The following OAS1 variants were observed in gnomAD, a reference collection of about 807,000 sequenced individuals.
OAS1 encodes the protein 2'-5'-oligoadenylate synthase 1.
Under a neutral mutation model 38.5 loss-of-function variants are expected in OAS1, and 24 were observed. The observed-to-expected ratio is 0.62, with a 90% confidence interval of 0.45 to 0.88. The LOEUF (loss-of-function observed/expected upper bound fraction) is 0.88, where lower values mean the gene tolerates loss of function less well. OAS1 is among the 40% of genes least tolerant of loss of function. The pLI is 0.00. For synonymous variants in OAS1, 169 were observed against 193.9 expected, an observed-to-expected ratio of 0.87 and a Z score of 1.07; for missense variants, 482 against 493.9, an observed-to-expected ratio of 0.98 and a Z score of 0.23.
At chr12:112,925,684 G>T (rs1214176312) in intron 6 of OAS1, among the ~76,000 whole-genome samples, 8 of 152,162 alleles carry the variant, frequency 5.3e-5, no homozygotes, top group Non-Finnish European at 2.9e-5. Flanking sequence ...TACTCAGGAG[G>T]CTGAGGAGGA....
chr12:112,918,990 G>A (rs1468261397), intron 5 of OAS1: 11 of 270,216 alleles, frequency 4.1e-5, no homozygotes, highest in Non-Finnish European at 5.9e-5. Context: ...TAGGAAGGAA[G>A]CATGAAAGAG....
At chr12:112,923,357 T>A (rs543267219), downstream of OAS1, among the ~76,000 whole-genome samples, 2 of 152,336 alleles carry the variant, frequency 1.3e-5, no homozygotes, top group African/African-American at 4.8e-5. Flanking sequence ...TCCCTCCACA[T>A]CCTCACACTT....
At chr12:112,908,046 T>G (rs2043320302) in intron 1 of OAS1, among the ~76,000 whole-genome samples, 1 of 152,186 alleles carries the variant, frequency 6.6e-6, no homozygotes, top group Admixed American at 6.5e-5. Context: ...TGTGGATTTG[T>G]TTTAGGTAAG....
rs373282263 is a variant in OAS1 at position 112,917,567 on chromosome 12, C to A, written c.905C>A (p.Ala302Glu). The A allele has an allele frequency of 6.2e-7, 1 of 1,614,046 alleles. No individual in the cohort carries two copies. Among genetic ancestry groups the A allele is most frequent in the Non-Finnish European group, 8.5e-7 (1 of 1,180,036 alleles). ...TGCAGGCCTGTGATCCTGGACCCGG[C>A]GGACCCTACAGGAAACTTGGGTGGT... ...TKPRPVILDPADPTGNLGGGD... is the reference protein window; with the variant it reads ...TKPRPVILDPEDPTGNLGGGD... Residue 302 changes from alanine (A) to glutamate (E), a missense_variant, in exon 5 of 6, where the codon GCG (alanine) becomes GAG (glutamate). Transcript: ENST00000202917.
intron 3 of OAS1, among the ~76,000 whole-genome samples, chr12:112,915,354 A>G (rs2084069785): frequency 6.6e-6 from 1 of 152,188 alleles, no homozygotes; most frequent in Non-Finnish European, 1.5e-5. Context: ...CAATTATCCT[A>G]GGACCATTTG....
At chr12:112,911,361 G>A in intron 3 of OAS1, 126 bp downstream of exon 3, 1 of 690,974 alleles carries the variant, frequency 1.4e-6, no homozygotes, top group Admixed American at 3.3e-5. Flanking sequence ...ATAGAGGGAT[G>A]GAAAAAGGAG....
rs138376387 is a variant in OAS1, at chr12:112,919,760, C to T, written c.*207C>T. The T allele has an allele frequency of 4.6e-4, 673 of 1,449,812 alleles. 3 individuals carry two copies. The African/African-American group carries it at 8.2e-3, about 18-fold the overall frequency. 89.8% of individuals were successfully genotyped at this position (1,449,812 alleles called of 1,614,324 possible). A position where few individuals can be genotyped will look rare whatever the true frequency, so the allele number is the denominator to read the frequency against. ...TCTCCACAGCCTCACTTCATTCCAC[C>T]TATTCTCTGAAAATATTCCCTGAGA... On this transcript the variant is annotated 3_prime_UTR_variant, in exon 6 of 6. Transcript: ENST00000202917.
intron 2 of OAS1, among the ~76,000 whole-genome samples, chr12:112,910,454 T>TG (rs2043359683): frequency 6.6e-6 from 1 of 151,760 alleles, no homozygotes; most frequent in Non-Finnish European, 1.5e-5. Flanking sequence ...TAGATAGCCA[T>TG]GGGGGTTAGG....
intron 6 of OAS1, among the ~76,000 whole-genome samples, chr12:112,926,305 TA>T (rs1034919872): frequency 6.6e-6 from 1 of 152,060 alleles, no homozygotes; most frequent in Non-Finnish European, 1.5e-5. Flanking sequence ...TTTATGTTAA[TA>T]AAAAAATGCA....
rs199685456 is a variant in OAS1, at chr12:112,911,115, C to T, written c.534C>T (p.Thr178=). ...QIYVKLIEEC[T]DLQKEGEFST... is the part of the protein sequence containing the mutation. ...ATGTCAAGCTCATCGAGGAGTGCAC[C>T]GACCTGCAGAAAGAGGGCGAGTTCT... The change falls in exon 3 of 6, where the codon ACC becomes ACT. Residue 178 remains threonine, a synonymous_variant. Coordinates refer to ENST00000202917, the MANE Select transcript of OAS1 (RefSeq NM_016816.4). The T allele has an allele frequency of 8.5e-5, 137 of 1,613,758 alleles. No homozygotes were observed. In the East Asian group the frequency reaches 9.1e-4, roughly 11 times the overall value.
At chr12:112,931,845 G>A (rs1193945185) in intron 6 of OAS1, 1 of 690,096 alleles carries the variant, frequency 1.4e-6, no homozygotes, top group Non-Finnish European at 2.6e-6. Flanking sequence ...TCCTCAATAT[G>A]AGAGTGACAC....
intron 3 of OAS1, among the ~76,000 whole-genome samples, chr12:112,914,292 T>C (rs1338587036): frequency 2.0e-5 from 3 of 152,242 alleles, no homozygotes; most frequent in Non-Finnish European, 4.4e-5. Flanking sequence ...TGAGTAGTAT[T>C]CCATGGTGTG....
chr12:112,909,797 T>A (rs2043350739), intron 2 of OAS1, among the ~76,000 whole-genome samples: 1 of 152,236 alleles, frequency 6.6e-6, no homozygotes, highest in Admixed American at 6.5e-5. Context: ...GGAAATGCGA[T>A]GACATCTGTC....
At position 112,919,429 on chromosome 12, in the gene OAS1, G is replaced by A; in HGVS notation, c.1079G>A (p.Arg360Lys). The A allele has an allele frequency of 6.2e-7, 1 of 1,614,122 alleles. No individual in the cohort carries two copies. Among genetic ancestry groups the A allele is most frequent in the Non-Finnish European group, 8.5e-7 (1 of 1,179,984 alleles). ...GCAGACGATGAGACCGACGATCCCA[G>A]GAGGTATCAGAAATATGGTTACATT... ...NSADDETDDP[R>K]RYQKYGYIGT... Residue 360 changes from arginine to lysine, a missense_variant, in exon 6 of 6, where the codon AGG (arginine) becomes AAG (lysine). Transcript: ENST00000202917.
chr12:112,910,535 A>C (rs2043361913), intron 2 of OAS1, among the ~76,000 whole-genome samples: 1 of 151,944 alleles, frequency 6.6e-6, no homozygotes, highest in Non-Finnish European at 1.5e-5. Context: ...AGCCTTGGGG[A>C]GATCTGGAGG....
chr12:112,927,882 G>A (rs7315441), intron 6 of OAS1, among the ~76,000 whole-genome samples: 5 of 152,042 alleles, frequency 3.3e-5, no homozygotes, highest in African/African-American at 1.2e-4. Context: ...CATACTTGTA[G>A]CTTGTCCATA....
At chr12:112,907,346 G>A (rs2043311375) in intron 1 of OAS1, 127 bp downstream of exon 1, 2 of 832,284 alleles carry the variant, frequency 2.4e-6, no homozygotes, top group East Asian at 2.6e-5. Flanking sequence ...AGTACAGAGA[G>A]CTGAGATCTT....
At chr12:112,925,902 T>C (rs2043555641) in intron 6 of OAS1, among the ~76,000 whole-genome samples, 1 of 152,208 alleles carries the variant, frequency 6.6e-6, no homozygotes, top group Admixed American at 6.5e-5. Flanking sequence ...ACCTCACATA[T>C]AGCTTATCCT....
At chr12:112,930,629 A>G (rs894572843) in intron 6 of OAS1, among the ~76,000 whole-genome samples, 2 of 152,242 alleles carry the variant, frequency 1.3e-5, no homozygotes, top group Non-Finnish European at 2.9e-5. Context: ...ATCTTGGTTC[A>G]GGGAAGGACT....
Sources: gnomAD v4.1 joint callset for allele counts (sites outside exome capture counted in the v4.1 genomes callset) on GRCh38, gnomAD v4.1.1 for gene constraint, MANE v1.5 for transcripts, NCBI Gene and HGNC (gene_info 2026-07-23, HGNC 2026-07-21) for gene names.